Variants in FYB1 observed in about 807,000 individuals in gnomAD.
FYB1 encodes the protein FYN-binding protein 1.
In FYB1, 41 loss-of-function variants were observed where a neutral mutation model predicts 94.1. The ratio of observed to expected loss-of-function variants is 0.44; its 90% CI spans 0.34 to 0.57. The LOEUF (loss-of-function observed/expected upper bound fraction) is 0.57, where lower values mean the gene tolerates loss of function less well. Ranked by LOEUF, FYB1 falls within the 20% of genes least tolerant of loss-of-function variation. The pLI is 0.02. For synonymous variants in FYB1, 367 were observed against 353.2 expected (o/e 1.04, Z -0.44); for missense variants, 1,050 against 976.8 (o/e 1.07, Z -1.00).
At chr5:39,158,526 AG>A (rs1344041479) in intron 2 of FYB1, among the ~76,000 whole-genome samples, 1 of 152,216 alleles carries the variant, frequency 6.6e-6, no homozygotes, top group Admixed American at 6.5e-5. Flanking sequence ...GGACCCAACG[AG>A]GGTGGTGGTA....
At chr5:39,212,233 G>A (rs553896716) in intron 1 of FYB1, among the ~76,000 whole-genome samples, 24 of 152,110 alleles carry the variant, frequency 1.6e-4, no homozygotes, top group African/African-American at 5.3e-4. Context: ...GCTTGAGCCC[G>A]GGAGGTCAAG....
intron 2 of FYB1, chr5:39,169,773 G>A (rs1347482179): frequency 1.0e-5 from 5 of 492,126 alleles, no homozygotes; most frequent in African/African-American, 9.9e-5. Context: ...CTCAGTGCAG[G>A]CAGCATTTGA....
At chr5:39,209,788 A>G (rs933256445) in intron 1 of FYB1, among the ~76,000 whole-genome samples, 1 of 152,166 alleles carries the variant, frequency 6.6e-6, no homozygotes, top group Admixed American at 6.5e-5. Context: ...TCTTTCCATA[A>G]TATGCATTGA....
At position 39,122,420 on chromosome 5, in the gene FYB1, A is replaced by C. The variant is rs1286501293; in HGVS notation, c.2072-18T>G. The C allele has an allele frequency of 4.0e-6, 6 of 1,487,512 alleles. No individual in the cohort carries two copies. In the African/African-American group the frequency reaches 8.3e-5, roughly 21 times the overall value. 92.1% of individuals were successfully genotyped at this position (1,487,512 alleles called of 1,614,324 possible). ...TCCCATGTCTAACAAAAGACAGAAT[A>C]TCAAAGGTTGAAACACTGTTAGTTT... On this transcript the variant is annotated intron_variant, in intron 13 of 18. Coordinates refer to ENST00000512982, the MANE Select transcript of FYB1 (RefSeq NM_001465.6).
Position 39,127,819 on chromosome 5 carries a change from T to C in FYB1, c.1841-12A>G, listed in dbSNP as rs1219145801. On this transcript the variant is annotated splice_polypyrimidine_tract_variant and intron_variant, in intron 10 of 18. Coordinates refer to ENST00000512982, the MANE Select transcript of FYB1 (RefSeq NM_001465.6). Reference sequence around the variant, plus strand: ...TGGAGGGAATATCCCTTCATTTGGATTGGAGGAAAATCTTCTGTTAATTTT... The same window carrying C: ...TGGAGGGAATATCCCTTCATTTGGACTGGAGGAAAATCTTCTGTTAATTTT... 6 of 1,591,800 alleles carry C rather than the reference T, an allele frequency of 3.8e-6. No individual in the cohort carries two copies. Among genetic ancestry groups the C allele is most frequent in the Non-Finnish European group, 5.1e-6 (6 of 1,170,864 alleles).
chr5:39,232,378 C>G (rs964083546), intron 1 of FYB1, among the ~76,000 whole-genome samples: 1 of 152,034 alleles, frequency 6.6e-6, no homozygotes, highest in Admixed American at 6.6e-5. Flanking sequence ...ACCACTCTAC[C>G]CGTTCTCCTT....
rs917887689 is a variant in FYB1 at position 39,169,453 on chromosome 5, T to C, written c.1136-15849A>G. 4 of 723,364 alleles carry C rather than the reference T, an allele frequency of 5.5e-6. No homozygotes were observed. In the African/African-American group the frequency reaches 6.9e-5, roughly 13 times the overall value. 44.8% of individuals were successfully genotyped at this position (723,364 alleles called of 1,614,324 possible). On this transcript the variant is annotated intron_variant, in intron 2 of 18. Transcript: ENST00000512982. ...AGAACAGGAACATTTCACAGAAGAG[T>C]GCCTTCACCATTGACAATTTCAGAC...
upstream of FYB1, among the ~76,000 whole-genome samples, chr5:39,221,813 A>G (rs1478930269): frequency 2.0e-5 from 3 of 152,124 alleles, no homozygotes; most frequent in Admixed American, 2.0e-4. Flanking sequence ...CTTGGCCAGC[A>G]TGGTGAAACC....
intron 2 of FYB1, among the ~76,000 whole-genome samples, chr5:39,185,750 G>A (rs2150440620): frequency 6.6e-6 from 1 of 151,914 alleles, no homozygotes; most frequent in South Asian, 2.1e-4. Flanking sequence ...AGATCAACGA[G>A]GTAATAAAAG....
At chr5:39,140,404 A>G (rs995428127) in intron 4 of FYB1, among the ~76,000 whole-genome samples, 1 of 152,228 alleles carries the variant, frequency 6.6e-6, no homozygotes, top group African/African-American at 2.4e-5. Context: ...GAGTAAGCAG[A>G]GATATAGAAA....
At position 39,158,253 on chromosome 5, in the gene FYB1, G is replaced by A. The variant is rs556597124; in HGVS notation, c.1136-4649C>T. 1.2e-4 allele frequency among the ~76,000 whole-genome samples: 19 copies of A among 152,302 alleles called. No homozygotes were observed. The East Asian group carries it at 2.7e-3, about 22-fold the overall frequency. ...TTGGAAGAGATCTTGCACAAGTCAC[G>A]TTCCCCTGCTCAGGCATGCTGGAAT... On this transcript the variant is annotated intron_variant, in intron 2 of 18. Coordinates refer to ENST00000512982, the MANE Select transcript of FYB1 (RefSeq NM_001465.6).
intron 2 of FYB1, among the ~76,000 whole-genome samples, chr5:39,159,769 C>T (rs1443993607): frequency 6.6e-6 from 1 of 152,088 alleles, no homozygotes; most frequent in Non-Finnish European, 1.5e-5. Flanking sequence ...CCATCAGTGC[C>T]TGCTTCCTTG....
At chr5:39,203,546 G>A (rs1382497847) in intron 1 of FYB1, among the ~76,000 whole-genome samples, 3 of 152,090 alleles carry the variant, frequency 2.0e-5, no homozygotes, top group African/African-American at 7.2e-5. Context: ...ACAGGGAGAT[G>A]TGGCAGAAAA....
At chr5:39,180,500 C>T (rs777144128) in intron 2 of FYB1, among the ~76,000 whole-genome samples, 2 of 152,162 alleles carry the variant, frequency 1.3e-5, no homozygotes, top group Non-Finnish European at 2.9e-5. Context: ...TTAGAAAAGT[C>T]CCTATTGAAA....
chr5:39,129,092 C>T (rs1321532404), intron 10 of FYB1, among the ~76,000 whole-genome samples: 1 of 151,886 alleles, frequency 6.6e-6, no homozygotes, highest in African/African-American at 2.4e-5. Flanking sequence ...ATCAGCATAC[C>T]GTTGGTATAA....
intron 1 of FYB1, chr5:39,250,577 G>A (rs912382959): frequency 1.3e-5 from 2 of 152,188 alleles, no homozygotes; most frequent in Non-Finnish European, 2.9e-5. Context: ...GCGATAGTAG[G>A]ACTTTTCATG....
chr5:39,128,915 C>T (rs1014109299), intron 10 of FYB1, among the ~76,000 whole-genome samples: 10 of 152,012 alleles, frequency 6.6e-5, no homozygotes, highest in East Asian at 1.9e-4. Flanking sequence ...AAGCAATTTA[C>T]GAATTTAATG....
At position 39,126,021 on chromosome 5, in the gene FYB1, G is replaced by A; in HGVS notation, c.2022C>T (p.Asp674=). ...KSIREKPKVS[D]SDNNEGSSFP... ...ACGATGAACCTTCATTATTGTCTGA[G>A]TCAGAGACTTTAGGTTTCTCTCGTA... is the stretch of plus-strand genomic sequence containing the variant. The change falls in exon 12 of 19, where the codon GAC becomes GAT. Residue 674 remains aspartate (D), a synonymous_variant. Transcript: ENST00000512982. 1.2e-6 allele frequency: 2 copies of A among 1,613,388 alleles called. No individual in the cohort carries two copies. The highest frequency in any genetic ancestry group is 1.7e-6 in the Non-Finnish European group (2 of 1,179,602).
intron 2 of FYB1, among the ~76,000 whole-genome samples, chr5:39,167,844 C>T (rs923727051): frequency 6.6e-6 from 1 of 152,250 alleles, no homozygotes; most frequent in African/African-American, 2.4e-5. Flanking sequence ...CCCTCTCCGT[C>T]ACTGGACGTT....
Sources: gnomAD v4.1 joint callset for allele counts (sites outside exome capture counted in the v4.1 genomes callset) on GRCh38, gnomAD v4.1.1 for gene constraint, MANE v1.5 for transcripts, NCBI Gene and HGNC (gene_info 2026-07-23, HGNC 2026-07-21) for gene names.